ZFAT: variants seen among roughly 807,000 people sequenced by gnomAD.
The protein encoded by ZFAT is zinc finger and AT-hook domain containing.
Under a neutral mutation model 117.7 loss-of-function variants are expected in ZFAT, and 64 were observed. The observed-to-expected ratio is 0.54, with a 90% CI of 0.44 to 0.67. The LOEUF (loss-of-function observed/expected upper bound fraction) is 0.67. Among genes scored for constraint, ZFAT ranks in the 30% least tolerant of loss-of-function variants. The pLI, the probability that ZFAT is intolerant of heterozygous loss-of-function variation, is 0.00. For missense variants in ZFAT, 1,433 were observed against 1,584.5 expected, an observed-to-expected ratio of 0.90 and a Z score of 1.62; for synonymous variants, 679 against 615.0, an observed-to-expected ratio of 1.10 and a Z score of -1.54.
At chr8:134,687,732 G>C (rs1468161193) in intron 1 of ZFAT, among the ~76,000 whole-genome samples, 1 of 152,188 alleles carries the variant, frequency 6.6e-6, no homozygotes, top group Non-Finnish European at 1.5e-5. Context: ...AAGTAACCAA[G>C]TCTCTGTGGT....
chr8:134,711,128 T>G (rs1359521082), intron 1 of ZFAT, among the ~76,000 whole-genome samples: 1 of 152,154 alleles, frequency 6.6e-6, no homozygotes, highest in African/African-American at 2.4e-5. Flanking sequence ...CAACTGTTGT[T>G]TTGTTTTGTT....
intron 1 of ZFAT, among the ~76,000 whole-genome samples, chr8:134,679,316 C>A (rs529054762): frequency 1.3e-5 from 2 of 152,314 alleles, no homozygotes; most frequent in Non-Finnish European, 2.9e-5. Context: ...GACATTCATG[C>A]AGCCAACAAA....
intron 15 of ZFAT, among the ~76,000 whole-genome samples, chr8:134,483,517 T>C (rs1474065429): frequency 2.0e-5 from 3 of 152,200 alleles, no homozygotes; most frequent in Admixed American, 2.0e-4. Context: ...TTCAAAATAA[T>C]CACTCTAGTC....
At chr8:134,686,104 C>T (rs892068311) in intron 1 of ZFAT, among the ~76,000 whole-genome samples, 1 of 152,230 alleles carries the variant, frequency 6.6e-6, no homozygotes, top group Non-Finnish European at 1.5e-5. Flanking sequence ...GCTCAGGTGC[C>T]CTGGCCAGCC....
the ZFAT span, among the ~76,000 whole-genome samples, chr8:134,736,580 C>T: frequency 6.6e-6 from 1 of 151,986 alleles, no homozygotes; most frequent in Admixed American, 6.6e-5. Context: ...TAACATGTGC[C>T]ATTCTCTCTC....
intron 1 of ZFAT, among the ~76,000 whole-genome samples, chr8:134,677,138 A>C (rs1449710324): frequency 6.6e-6 from 1 of 152,120 alleles, no homozygotes; most frequent in Non-Finnish European, 1.5e-5. Context: ...CCTTCAAAAA[A>C]ATCAATGAAT....
chr8:134,831,796 C>G, the ZFAT span, among the ~76,000 whole-genome samples: 1 of 151,928 alleles, frequency 6.6e-6, no homozygotes, highest in East Asian at 2.0e-4. Flanking sequence ...CCCCCCACGA[C>G]TCGGACGCCC....
chr8:134,506,937 C>T (rs1240839264), intron 15 of ZFAT, among the ~76,000 whole-genome samples: 2 of 152,118 alleles, frequency 1.3e-5, no homozygotes, highest in African/African-American at 2.4e-5. Context: ...TTTTTCTCTC[C>T]GGCAATACTG....
intron 1 of ZFAT, among the ~76,000 whole-genome samples, chr8:134,698,248 C>A (rs560117613): frequency 6.6e-6 from 1 of 151,750 alleles, no homozygotes; most frequent in Admixed American, 6.6e-5. Flanking sequence ...ATTGCTTGAA[C>A]CCAGGAGGTG....
At chr8:134,756,630 C>T in the ZFAT span, among the ~76,000 whole-genome samples, 1 of 152,230 alleles carries the variant, frequency 6.6e-6, no homozygotes, top group Admixed American at 6.5e-5. Context: ...ACAGCTGCAC[C>T]CCTCTCTGGG....
chr8:134,592,552 C>T (rs1459282530), intron 7 of ZFAT, among the ~76,000 whole-genome samples: 1 of 152,152 alleles, frequency 6.6e-6, no homozygotes, highest in East Asian at 1.9e-4. Context: ...AAATAAAAAA[C>T]AATGCCTCCT....
chr8:134,801,170 C>A, the ZFAT span, among the ~76,000 whole-genome samples: 1 of 152,028 alleles, frequency 6.6e-6, no homozygotes, highest in Non-Finnish European at 1.5e-5. Context: ...TCCCCCTCAA[C>A]CCTCTCCTCA....
At chr8:134,662,187 G>A (rs1201413163) in intron 1 of ZFAT, among the ~76,000 whole-genome samples, 1 of 152,112 alleles carries the variant, frequency 6.6e-6, no homozygotes, top group African/African-American at 2.4e-5. Context: ...TAGCTCTTTG[G>A]GGTTTCTTTT....
chr8:134,687,600 C>T (rs772358443), intron 1 of ZFAT, among the ~76,000 whole-genome samples: 13 of 152,154 alleles, frequency 8.5e-5, no homozygotes, highest in Non-Finnish European at 1.6e-4. Flanking sequence ...GTGTGGGAAG[C>T]GCTGAGGGTA....
At chr8:134,615,941 A>T (rs551612535) in intron 3 of ZFAT, among the ~76,000 whole-genome samples, 1 of 152,334 alleles carries the variant, frequency 6.6e-6, no homozygotes, top group South Asian at 2.1e-4. Context: ...GCTCCCACAA[A>T]AAAGAACACG....
At chr8:134,610,958 TTA>T (rs1376961835) in intron 3 of ZFAT, among the ~76,000 whole-genome samples, 2 of 152,232 alleles carry the variant, frequency 1.3e-5, no homozygotes, top group African/African-American at 2.4e-5. Flanking sequence ...TTCAGAATCA[TTA>T]ATAAACAACA....
the ZFAT span, among the ~76,000 whole-genome samples, chr8:134,826,332 C>T: frequency 6.6e-6 from 1 of 152,124 alleles, no homozygotes; most frequent in Non-Finnish European, 1.5e-5. Flanking sequence ...TGAGGACTAC[C>T]ATATAATCAC....
chr8:134,753,961 T>C, the ZFAT span, among the ~76,000 whole-genome samples: 1 of 152,258 alleles, frequency 6.6e-6, no homozygotes. Flanking sequence ...CAGCACAGCC[T>C]CACAAAGTAG....
At chr8:134,513,487 C>T (rs956554126) in intron 13 of ZFAT, among the ~76,000 whole-genome samples, 4 of 152,102 alleles carry the variant, frequency 2.6e-5, no homozygotes, top group African/African-American at 9.7e-5. Flanking sequence ...CATTCTTATT[C>T]GAACATGAAA....
Sources: allele counts gnomAD v4.1 joint callset (sites outside exome capture counted in the v4.1 genomes callset), GRCh38; gene constraint gnomAD v4.1.1; transcripts MANE v1.5; gene names NCBI Gene and HGNC (gene_info 2026-07-23, HGNC 2026-07-21).